Variants in SRCAP observed in about 807,000 individuals in gnomAD.
SRCAP encodes chromatin remodeling protein SRCAP.
Under a neutral mutation model 263.1 loss-of-function variants are expected in SRCAP, and 46 were observed. The ratio of observed to expected loss-of-function variants is 0.17; its 90% CI spans 0.14 to 0.22. The LOEUF (loss-of-function observed/expected upper bound fraction) is 0.22, where lower values mean the gene tolerates loss of function less well. SRCAP is among the 10% of genes least tolerant of loss of function. The pLI is 1.00. For synonymous variants in SRCAP, 1,813 were observed against 1,662.1 expected (o/e 1.09, Z -2.21); for missense variants, 3,695 against 4,181.9 (o/e 0.88, Z 3.21).
At chr16:30,727,503 C>A (rs1201146929) in intron 25 of SRCAP, among the ~76,000 whole-genome samples, 1 of 152,200 alleles carries the variant, frequency 6.6e-6, no homozygotes, top group African/African-American at 2.4e-5. Context: ...CCTCCCATCT[C>A]AGCCCTCCAA....
At position 30,723,920 on chromosome 16, in the gene SRCAP, C is replaced by A. The variant is rs773454011; in HGVS notation, c.4496C>A (p.Ser1499Tyr). ...GPPSLAPSGA[S>Y]PSASALTLGL... is the part of the protein sequence containing the mutation. ...CCCTCCTTGGCACCATCTGGTGCTT[C>A]CCCGTCAGCATCAGCCTTGACTCTA... The change falls in exon 25 of 34, where the codon TCC becomes TAC. Residue 1499 changes from serine to tyrosine, a missense_variant. Physicochemically the swap from Ser to Tyr is moderately radical, Grantham distance 144. Transcript: ENST00000262518. 4 of 1,614,142 alleles carry A rather than the reference C, an allele frequency of 2.5e-6. No homozygotes were observed. The East Asian group carries it at 8.9e-5, about 36-fold the overall frequency.
chr16:30,711,171 C>T, intron 10 of SRCAP, 83 bp downstream of exon 10: 1 of 1,030,696 alleles, frequency 9.7e-7, no homozygotes, highest in East Asian at 2.6e-5. Flanking sequence ...GAATAAGGCA[C>T]TTTGTATCCA....
In SRCAP at chr16:30,704,412, TG is replaced by T; in HGVS notation, c.306+99del. 2.1e-6 allele frequency: 3 copies of T among 1,453,834 alleles called. No individual in the cohort carries two copies. In the South Asian group the frequency reaches 4.2e-5, roughly 20 times the overall value. The allele number at this position is 1,453,834 out of a possible 1,614,324, so 90.1% of individuals were successfully genotyped here. ...TTTATGTTTCTTTTCTTTTTTGTCA[TG>T]GATTTAGGGTATAGGTTCTGCCTTA... is the stretch of plus-strand genomic sequence containing the variant. On this transcript the variant is annotated intron_variant, in intron 4 of 33. Coordinates refer to ENST00000262518, the MANE Select transcript of SRCAP (RefSeq NM_006662.3).
Position 30,729,382 on chromosome 16 carries a change from C to T in SRCAP, c.5937C>T (p.Val1979=), listed in dbSNP as rs764536843. The change falls in exon 27 of 34, where the codon GTC becomes GTT. Residue 1979 remains valine, a synonymous_variant. Transcript: ENST00000262518. ...CTTCCTTTCACAGGTTCATCTTTGT[C>T]ATGCCTCCTGTGGAGGCACCTCCCC... ...LSEIIERFIF[V]MPPVEAPPPS... is the part of the protein sequence containing the mutation. 51 of 1,614,038 alleles carry T rather than the reference C, an allele frequency of 3.2e-5. No individual in the cohort carries two copies. The highest frequency in any genetic ancestry group is 4.0e-5 in the African/African-American group (3 of 74,918).
At chr16:30,730,681 T>C (rs1420556693) in intron 27 of SRCAP, among the ~76,000 whole-genome samples, 3 of 147,360 alleles carry the variant, frequency 2.0e-5, no homozygotes, top group Admixed American at 6.8e-5. Flanking sequence ...CTGCCCACCT[T>C]GGCCTCCCAA....
intron 14 of SRCAP, 91 bp downstream of exon 14, chr16:30,712,906 C>T: frequency 6.8e-7 from 1 of 1,467,628 alleles, no homozygotes. Context: ...TCTCCTCTTT[C>T]TTTTTTAAAA....
At position 30,736,358 on chromosome 16, in the gene SRCAP, C is replaced by G; in HGVS notation, c.6888C>G (p.Ser2296=). The G allele has an allele frequency of 6.2e-7, 1 of 1,613,632 alleles. No homozygotes were observed. The highest frequency in any genetic ancestry group is 8.5e-7 in the Non-Finnish European group (1 of 1,179,746). ...GRPGAEDEEM[S]RAEQEIAALV... is the part of the protein sequence containing the mutation. ...CTGGGGCTGAGGATGAGGAGATGTC[C>G]CGGGCTGAGCAGGAAATTGCTGCCC... The change falls in exon 32 of 34, where the codon TCC becomes TCG. Residue 2296 remains serine (S), a synonymous_variant. Coordinates refer to ENST00000262518, the MANE Select transcript of SRCAP (RefSeq NM_006662.3).
At position 30,699,482 on chromosome 16, in the gene SRCAP, C is replaced by T. The variant is rs146060040; in HGVS notation, c.-284+240C>T. Among the ~76,000 whole-genome samples the T allele has an allele frequency of 7.6e-3, 1,164 of 152,228 alleles. 10 individuals are homozygous for T. The highest frequency in any genetic ancestry group is 0.014 in the Non-Finnish European group (955 of 67,998). ...TCTCAAGGCGCAGGTATGGGATATA[C>T]AGCGCCCTGCCCTGAATCCTGGGCG... On this transcript the variant is annotated intron_variant, in intron 1 of 33. Coordinates refer to ENST00000262518, the MANE Select transcript of SRCAP (RefSeq NM_006662.3).
At chr16:30,719,374 C>T (rs970146062) in intron 18 of SRCAP, among the ~76,000 whole-genome samples, 20 of 149,246 alleles carry the variant, frequency 1.3e-4, no homozygotes, top group African/African-American at 4.7e-4. Context: ...TGCCACCACG[C>T]CTGGCTAATG....
rs753514483 is a variant in SRCAP, at chr16:30,716,217, A to AG, written c.2630+18dup. On this transcript the variant is annotated intron_variant, in intron 17 of 33. Coordinates refer to ENST00000262518, the MANE Select transcript of SRCAP (RefSeq NM_006662.3). ...GCACAGACCACGTAAGGGAGGAAGG[A>AG]GGGTGGGCCCTGGGACTCGAGATTG... 2.0e-5 allele frequency: 33 copies of AG among 1,613,776 alleles called. 1 individual carries two copies. The highest frequency in any genetic ancestry group is 2.7e-5 in the Non-Finnish European group (32 of 1,179,820).
chr16:30,715,843 C>T (rs2052943390), intron 16 of SRCAP, among the ~76,000 whole-genome samples: 1 of 152,156 alleles, frequency 6.6e-6, no homozygotes, highest in Admixed American at 6.5e-5. Flanking sequence ...AGTTGGTCTG[C>T]CCACAGTGCT....
At chr16:30,717,201 G>A (rs939177068) in intron 18 of SRCAP, among the ~76,000 whole-genome samples, 3 of 151,934 alleles carry the variant, frequency 2.0e-5, no homozygotes, top group African/African-American at 7.3e-5. Flanking sequence ...TATTTCCTTA[G>A]TGATGAGTGC....
At chr16:30,701,510 A>G (rs1012917029) in intron 3 of SRCAP, 3 of 152,204 alleles carry the variant, frequency 2.0e-5, no homozygotes, top group African/African-American at 7.2e-5. Flanking sequence ...TGTGACATAC[A>G]GTCTTGTCAT....
rs2052951906 is a variant in SRCAP at position 30,716,496 on chromosome 16, T to C, written c.2817+17T>C. On this transcript the variant is annotated intron_variant, in intron 18 of 33. Coordinates refer to ENST00000262518, the MANE Select transcript of SRCAP (RefSeq NM_006662.3). ...CCCCTCCAGGTAAGTATGATTCCAT[T>C]AATATGAAATGTAAAGGTTATCGGC... 6.3e-7 allele frequency: 1 copy of C among 1,595,048 alleles called. No homozygotes were observed. Among genetic ancestry groups the C allele is most frequent in the South Asian group, 1.1e-5 (1 of 89,206 alleles).
At position 30,738,981 on chromosome 16, in the gene SRCAP, C is replaced by T. The variant is rs751151115; in HGVS notation, c.8941C>T (p.Leu2981=). 4.3e-6 allele frequency: 7 copies of T among 1,613,764 alleles called. No homozygotes were observed. The highest frequency in any genetic ancestry group is 1.6e-4 in the Middle Eastern group (1 of 6,082). Residue 2981 remains leucine (L), a synonymous_variant, in exon 34 of 34, where the codon CTG becomes TTG. Coordinates refer to ENST00000262518, the MANE Select transcript of SRCAP (RefSeq NM_006662.3). ...ATCACCCCTAACCCCACTCCCACCA[C>T]TGCTAGTTTGTCCCACTGCTACTGT... The part of the protein sequence containing the change: ...HPSPLTPLPP[L]LVCPTATVAN...
At chr16:30,722,786 C>T (rs775434587) in intron 23 of SRCAP, 38 bp downstream of exon 23, 8 of 1,583,834 alleles carry the variant, frequency 5.1e-6, no homozygotes, top group Non-Finnish European at 6.9e-6. Flanking sequence ...CCTTGCTGGC[C>T]TTGGTCCTTC....
At position 30,721,365 on chromosome 16, in the gene SRCAP, G is replaced by A; in HGVS notation, c.3430G>A (p.Ala1144Thr). 1 of 1,614,044 alleles carries A rather than the reference G, an allele frequency of 6.2e-7. No homozygotes were observed. Among genetic ancestry groups the A allele is most frequent in the Non-Finnish European group, 8.5e-7 (1 of 1,180,032 alleles). Reference protein sequence around the residue: ...PPGYTFPPAAATTTSTTTATA... With the variant: ...PPGYTFPPAATTTTSTTTATA... ...AGGCTACACCTTCCCTCCTGCTGCT[G>A]CCACCACCACTTCTACCACCACGGC... The change falls in exon 21 of 34, where the codon GCC becomes ACC. Residue 1144 changes from alanine (A) to threonine (T), a missense_variant. By Grantham distance (58) the Ala-to-Thr change is moderately conservative. This residue lies in a region of SRCAP where 1,347 missense variants were observed against 1,304.4 expected (regional missense o/e 1.03). Coordinates refer to ENST00000262518, the MANE Select transcript of SRCAP (RefSeq NM_006662.3).
At chr16:30,705,741 CT>C (rs1029282908) in intron 4 of SRCAP, among the ~76,000 whole-genome samples, 1 of 150,156 alleles carries the variant, frequency 6.7e-6, no homozygotes, top group Non-Finnish European at 1.5e-5. Flanking sequence ...GAGTCTCAGT[CT>C]TTCGCTGAGG....
Position 30,737,085 on chromosome 16 carries a change from G to A in SRCAP, c.7045G>A (p.Ala2349Thr). The stretch of plus-strand genomic sequence containing the variant: ...AGCTGCCCGCAAAGACCTGGACCAA[G>A]CCAAGGAGGAGGTGTTCCGCCTACC... Reference protein sequence around the residue: ...VEAARKDLDQAKEEVFRLPQE... With the variant: ...VEAARKDLDQTKEEVFRLPQE... The change falls in exon 34 of 34, where the codon GCC (alanine) becomes ACC (threonine). Residue 2349 changes from alanine to threonine, a missense_variant. By Grantham distance (58) the Ala-to-Thr change is moderately conservative. Transcript: ENST00000262518. The A allele has an allele frequency of 6.2e-7, 1 of 1,608,968 alleles. No homozygotes were observed. Among genetic ancestry groups the A allele is most frequent in the Non-Finnish European group, 8.5e-7 (1 of 1,176,846 alleles).
Sources: gnomAD v4.1 joint callset for allele counts (sites outside exome capture counted in the v4.1 genomes callset) on GRCh38, gnomAD v4.1.1 for gene constraint, gnomAD v4.1.1 regional missense constraint, MANE v1.5 for transcripts, NCBI Gene and HGNC (gene_info 2026-07-23, HGNC 2026-07-21) for gene names.